Variants in CCDC51 observed in about 807,000 individuals in gnomAD.
The protein encoded by CCDC51 is coiled-coil domain containing 51, also known as mitochondrial potassium channel.
A neutral mutation model predicts 24.8 loss-of-function variants in CCDC51; 25 were observed. The observed-to-expected ratio is 1.01, with a 90% CI of 0.73 to 1.41. CCDC51 has a LOEUF of 1.41. Among genes scored for constraint, CCDC51 ranks in the 40% most tolerant of loss-of-function variants. The probability of loss-of-function intolerance (pLI) is 0.00; values close to 1 mark genes in which losing one functional copy is unlikely to be tolerated. For synonymous variants in CCDC51, 190 were observed against 204.3 expected, an observed-to-expected ratio of 0.93 and a Z score of 0.60; for missense variants, 466 against 519.1, an observed-to-expected ratio of 0.90 and a Z score of 0.99.
At chr3:48,434,179 G>A (rs757409879) in intron 2 of CCDC51, among the ~76,000 whole-genome samples, 1 of 152,154 alleles carries the variant, frequency 6.6e-6, no homozygotes, top group Non-Finnish European at 1.5e-5. Flanking sequence ...GCTGTTTCCC[G>A]TGTGTTGCCT....
In CCDC51 at chr3:48,435,145, G is replaced by C. The variant is rs1489776544; in HGVS notation, c.-8-9C>G. The C allele has an allele frequency of 3.9e-6, 6 of 1,553,774 alleles. 1 individual carries two copies. The South Asian group carries it at 7.5e-5, about 19-fold the overall frequency. On this transcript the variant is annotated splice_polypyrimidine_tract_variant and intron_variant, in intron 1 of 3. Transcript: ENST00000395694. This position sits in a 1 kb window ranked among gnomAD's most constrained non-coding sequence, Gnocchi z 4.2. Reference sequence around the variant, plus strand: ...CCCCATCATCCTGAGATCTGTGAGGGGGACGCCAGACAGGTCAGCTCACAG... The same window carrying C: ...CCCCATCATCCTGAGATCTGTGAGGCGGACGCCAGACAGGTCAGCTCACAG...
upstream of CCDC51, chr3:48,440,639 G>T: frequency 6.2e-7 from 1 of 1,608,568 alleles, no homozygotes; most frequent in South Asian, 1.1e-5. Context: ...GTAAGTGGGG[G>T]CCGAATGGAG....
chr3:48,432,934 GCCT>G lies in CCDC51; in HGVS notation c.707_709del (p.Glu236del). On this transcript the variant is annotated inframe_deletion, in exon 4 of 4. Transcript: ENST00000395694. ...TTGGAGACTCACAGGCCCCTTCTGC[GCCT>G]CCAGGAGTAAAGCCTTCAGCTCCTG... is the stretch of plus-strand genomic sequence containing the variant. 1 of 1,613,986 alleles carries G rather than the reference GCCT, an allele frequency of 6.2e-7. No homozygotes were observed. The highest frequency in any genetic ancestry group is 8.5e-7 in the Non-Finnish European group (1 of 1,180,016).
Position 48,433,501 on chromosome 3 carries a change from T to C in CCDC51, c.477+206A>G, listed in dbSNP as rs752172554. Among the ~76,000 whole-genome samples the C allele has an allele frequency of 2.0e-5, 3 of 152,174 alleles. No individual in the cohort carries two copies. The highest frequency in any genetic ancestry group is 2.9e-5 in the Non-Finnish European group (2 of 68,020). ...TTCTGAGTCCCAGGCTACGCTGCCC[T>C]GAAGAGTTGGCCCCAGTACTCCAGA... On this transcript the variant is annotated intron_variant, in intron 3 of 3. Transcript: ENST00000395694. This position sits in a 1 kb window ranked among gnomAD's most constrained non-coding sequence, Gnocchi z 4.4.
At chr3:48,440,648 A>C, upstream of CCDC51, 1 of 1,606,200 alleles carries the variant, frequency 6.2e-7, no homozygotes, top group Non-Finnish European at 8.5e-7. Flanking sequence ...GGCCGAATGG[A>C]GCTCAAGCTG....
chr3:48,443,813 A>AT, upstream of CCDC51: 1 of 1,539,488 alleles, frequency 6.5e-7, no homozygotes, highest in Non-Finnish European at 8.7e-7. Flanking sequence ...TAAGAACTAT[A>AT]TTTTTCCCTA....
chr3:48,444,524 C>T (rs1017284425), upstream of CCDC51, among the ~76,000 whole-genome samples: 4 of 152,198 alleles, frequency 2.6e-5, no homozygotes, highest in African/African-American at 4.8e-5. Flanking sequence ...CTGCCTGCTT[C>T]AGCCTCCCAA....
At chr3:48,446,101 T>C in the CCDC51 span, among the ~76,000 whole-genome samples, 1 of 151,792 alleles carries the variant, frequency 6.6e-6, no homozygotes, top group African/African-American at 2.4e-5. Context: ...TTCCTTGACC[T>C]CCTGAGCCCT....
Position 48,432,902 on chromosome 3 carries a change from T to C in CCDC51, c.742A>G (p.Ile248Val). Reference sequence around the variant, plus strand: ...GAGTAGCTAGACGCCTGTTCTCGAATGGCCTCTTGGAGACTCACAGGCCCC... The same window carrying C: ...GAGTAGCTAGACGCCTGTTCTCGAACGGCCTCTTGGAGACTCACAGGCCCC... ...QKGPVSLQEA[I>V]REQASSYSRQ... Residue 248 changes from isoleucine (I) to valine (V), a missense_variant, in exon 4 of 4, where the codon ATT (isoleucine) becomes GTT (valine). Coordinates refer to ENST00000395694, the MANE Select transcript of CCDC51 (RefSeq NM_001256964.2). 2 of 1,614,074 alleles carry C rather than the reference T, an allele frequency of 1.2e-6. No individual in the cohort carries two copies. The highest frequency in any genetic ancestry group is 1.7e-6 in the Non-Finnish European group (2 of 1,180,036).
At chr3:48,436,530 G>C (rs1160599838) in intron 1 of CCDC51, among the ~76,000 whole-genome samples, 1 of 152,194 alleles carries the variant, frequency 6.6e-6, no homozygotes, top group Non-Finnish European at 1.5e-5. Flanking sequence ...CATAAGGCTG[G>C]GTTCCATGCC....
chr3:48,444,022 C>G (rs1011316178), upstream of CCDC51: 4 of 648,682 alleles, frequency 6.2e-6, no homozygotes, highest in Non-Finnish European at 9.1e-6. Context: ...TAAGAATAAA[C>G]TTTTGTAAAA....
At chr3:48,443,223 A>T (rs1351290638), upstream of CCDC51, among the ~76,000 whole-genome samples, 2 of 142,508 alleles carry the variant, frequency 1.4e-5, no homozygotes, top group Non-Finnish European at 3.0e-5. Context: ...CCTAGGTGAC[A>T]AAGCAAGACT....
At chr3:48,445,804 A>C in the CCDC51 span, among the ~76,000 whole-genome samples, 2 of 152,222 alleles carry the variant, frequency 1.3e-5, no homozygotes, top group Non-Finnish European at 2.9e-5. Context: ...TAAGGCTGAA[A>C]GAGTCTTGCT....
chr3:48,434,925 C>A lies in CCDC51; in HGVS notation c.204G>T (p.Gly68=). The A allele has an allele frequency of 6.2e-7, 1 of 1,614,232 alleles. No homozygotes were observed. Among genetic ancestry groups the A allele is most frequent in the Non-Finnish European group, 8.5e-7 (1 of 1,180,040 alleles). ...AGGTCGCTCGTTGCTGAATGCTGTGCCCCAGGGCTCTTCCCAGTGCTGGGA... is the reference window on the plus strand; with the variant it reads ...AGGTCGCTCGTTGCTGAATGCTGTGACCCAGGGCTCTTCCCAGTGCTGGGA... The part of the protein sequence containing the change: ...HRLPALGRAL[G]HSIQQRATST... Residue 68 remains glycine, a synonymous_variant, in exon 2 of 4, where the codon GGG becomes GGT. Transcript: ENST00000395694.
At chr3:48,444,960 T>A (rs1441053909), upstream of CCDC51, 1 of 152,300 alleles carries the variant, frequency 6.6e-6, no homozygotes, top group Non-Finnish European at 1.5e-5. Flanking sequence ...ACCTACCGCT[T>A]GCCCCTCAAT....
upstream of CCDC51, among the ~76,000 whole-genome samples, chr3:48,441,822 G>A (rs1305231169): frequency 2.6e-5 from 4 of 152,236 alleles, no homozygotes; most frequent in Non-Finnish European, 2.9e-5. Context: ...GCATGATGGA[G>A]ACAAGGATGG....
At chr3:48,440,900 A>C, upstream of CCDC51, 1 of 527,584 alleles carries the variant, frequency 1.9e-6, no homozygotes, top group Non-Finnish European at 3.4e-6. Flanking sequence ...TTTACCTCAG[A>C]CGCAGATTCA....
chr3:48,440,621 G>A (rs1489303101), upstream of CCDC51: 1 of 1,611,072 alleles, frequency 6.2e-7, no homozygotes, highest in African/African-American at 1.3e-5. Context: ...CGGGGAAGGG[G>A]CCCTTGGGTA....
At chr3:48,438,507 C>G (rs1360186102) in intron 1 of CCDC51, among the ~76,000 whole-genome samples, 1 of 152,068 alleles carries the variant, frequency 6.6e-6, no homozygotes, top group Non-Finnish European at 1.5e-5. Context: ...GACAGCAATA[C>G]CAAGTTCAAA....
Sources: gnomAD v4.1 joint callset for allele counts (sites outside exome capture counted in the v4.1 genomes callset) on GRCh38, gnomAD v4.1.1 for gene constraint, Gnocchi (gnomAD v3.1) non-coding constraint, MANE v1.5 for transcripts, NCBI Gene and HGNC (gene_info 2026-07-23, HGNC 2026-07-21) for gene names.